The following CEMIP2 variants were observed in gnomAD, a reference collection of about 807,000 sequenced individuals.
The protein encoded by CEMIP2 is cell migration inducing hyaluronidase 2.
CEMIP2 carries 79 observed loss-of-function variants against 146.9 expected under a neutral mutation model. The observed-to-expected ratio is 0.54, with a 90% confidence interval of 0.45 to 0.65. The LOEUF is 0.65. Among genes scored for constraint, CEMIP2 ranks in the 30% least tolerant of loss-of-function variants. The probability of loss-of-function intolerance (pLI) is 0.00; values close to 1 mark genes in which losing one functional copy is unlikely to be tolerated. For missense variants in CEMIP2, 1,596 were observed against 1,696.2 expected (o/e 0.94, Z 1.04); for synonymous variants, 601 against 606.3 (o/e 0.99, Z 0.13).
At chr9:71,718,141 ATAAGTT>A (rs1823124195) in intron 12 of CEMIP2, 62 bp from the exon 13 acceptor site, 1 of 1,461,292 alleles carries the variant, frequency 6.8e-7, no homozygotes, top group Non-Finnish European at 9.1e-7. Context: ...TTAGCTAGTT[ATAAGTT>A]TAAGTGTCAA....
intron 19 of CEMIP2, chr9:71,699,277 T>C (rs1243628311): frequency 4.0e-6 from 1 of 250,972 alleles, no homozygotes; most frequent in Non-Finnish European, 8.5e-6. Context: ...AAAGTCCAGG[T>C]AGTTGTTTAA....
intron 12 of CEMIP2, among the ~76,000 whole-genome samples, chr9:71,721,375 T>A (rs1823226823): frequency 1.3e-5 from 2 of 152,204 alleles, no homozygotes. Context: ...TTCACTTCAT[T>A]TGTTGATCAG....
chr9:71,750,294 T>C lies in CEMIP2; in HGVS notation c.80A>G (p.Tyr27Cys). Reference protein sequence around the residue: ...QNGNSRHPSGYVPGKVVPLRP... With the variant: ...QNGNSRHPSGCVPGKVVPLRP... Reference sequence around the variant, plus strand: ...CAATGGGACAACCTTCCCTGGAACATAGCCAGATGGGTGACGACTATTTCC... The same window carrying C: ...CAATGGGACAACCTTCCCTGGAACACAGCCAGATGGGTGACGACTATTTCC... Residue 27 changes from tyrosine to cysteine, a missense_variant, in exon 2 of 24, where the codon TAT (tyrosine) becomes TGT (cysteine). Transcript: ENST00000377044. 6.2e-7 allele frequency: 1 copy of C among 1,613,808 alleles called. No homozygotes were observed. Among genetic ancestry groups the C allele is most frequent in the Non-Finnish European group, 8.5e-7 (1 of 1,179,988 alleles).
intron 1 of CEMIP2, among the ~76,000 whole-genome samples, chr9:71,762,459 T>C (rs1234453738): frequency 1.6e-5 from 2 of 121,364 alleles, no homozygotes; most frequent in Non-Finnish European, 3.2e-5. Context: ...GCCACTGCAC[T>C]CCAGCCTGGG....
At chr9:71,746,080 G>C in intron 3 of CEMIP2, 121 bp downstream of exon 3, 1 of 1,096,948 alleles carries the variant, frequency 9.1e-7, no homozygotes, top group Non-Finnish European at 1.3e-6. Flanking sequence ...TCCATGGTTA[G>C]AGTGACACCA....
intron 22 of CEMIP2, 188 bp from the exon 23 acceptor site, chr9:71,686,034 A>T: frequency 1.7e-6 from 1 of 579,024 alleles, no homozygotes; most frequent in Non-Finnish European, 3.1e-6. Context: ...TGGGCTTCAC[A>T]CGTTGCTCTT....
At chr9:71,759,835 G>GT (rs71353518) in intron 1 of CEMIP2, among the ~76,000 whole-genome samples, 1 of 149,850 alleles carries the variant, frequency 6.7e-6, no homozygotes, top group Non-Finnish European at 1.5e-5. Context: ...AGGTGGGGGG[G>GT]GGATGGCAGG....
chr9:71,767,291 C>T (rs1427047338), intron 1 of CEMIP2, among the ~76,000 whole-genome samples: 1 of 152,142 alleles, frequency 6.6e-6, no homozygotes, highest in East Asian at 1.9e-4. Context: ...ACCCTTTCCC[C>T]TCTCTCTAAA....
upstream of CEMIP2, chr9:71,768,905 C>T (rs17553607): frequency 7.1e-5 from 1 of 14,126 alleles, no homozygotes; most frequent in Non-Finnish European, 2.5e-4. Context: ...ATTGGGCGGG[C>T]GGGCGGGCGG....
rs12345725 is a variant in CEMIP2 at position 71,712,275 on chromosome 9, G to T, written c.2592-15C>A. 4,265 of 1,612,858 alleles carry T rather than the reference G, an allele frequency of 2.6e-3. 71 individuals are homozygous for T. The African/African-American group carries it at 0.041, about 15-fold the overall frequency. On this transcript the variant is annotated splice_polypyrimidine_tract_variant and intron_variant, in intron 15 of 23. Transcript: ENST00000377044. ...TTGGGAACGTCCTGTGGAAATACAA[G>T]ATTTTGTTTAATGCATATGGGCTGT...
chr9:71,735,686 G>A (rs1823741823), intron 5 of CEMIP2, among the ~76,000 whole-genome samples: 1 of 152,164 alleles, frequency 6.6e-6, no homozygotes, highest in African/African-American at 2.4e-5. Context: ...GGGCAGCTGA[G>A]GTGGGAGGAC....
intron 17 of CEMIP2, 100 bp from the exon 18 acceptor site, chr9:71,704,903 G>A: frequency 1.8e-6 from 2 of 1,124,738 alleles, no homozygotes; most frequent in Non-Finnish European, 2.6e-6. Flanking sequence ...TTTGAAAAGG[G>A]AGATTCTGTG....
intron 10 of CEMIP2, among the ~76,000 whole-genome samples, chr9:71,728,229 C>CTATA (rs1416528754): frequency 4.1e-4 from 7 of 17,158 alleles, no homozygotes; most frequent in African/African-American, 8.4e-4. Flanking sequence ...CTCTCTCTCT[C>CTATA]TCTATATATA....
chr9:71,752,466 A>AGGG (rs1824282036), intron 1 of CEMIP2, among the ~76,000 whole-genome samples: 3 of 88,596 alleles, frequency 3.4e-5, no homozygotes, highest in African/African-American at 4.4e-5. Context: ...AAGAGGAAGG[A>AGGG]AGGAAGGAAG....
intron 18 of CEMIP2, among the ~76,000 whole-genome samples, chr9:71,702,261 G>GAA (rs67059194): frequency 0.33 from 34,426 of 105,150 alleles, 4,733 homozygotes; most frequent in Non-Finnish European, 0.36. Flanking sequence ...TTGTCTCAAG[G>GAA]AAAAAAAAAA....
At chr9:71,703,588 T>G (rs1465009090) in intron 18 of CEMIP2, among the ~76,000 whole-genome samples, 1 of 152,216 alleles carries the variant, frequency 6.6e-6, no homozygotes, top group African/African-American at 2.4e-5. Flanking sequence ...CATTTCAATT[T>G]TTCAGGTACA....
At chr9:71,730,462 GTAAA>G (rs1056194254) in intron 8 of CEMIP2, among the ~76,000 whole-genome samples, 1 of 151,678 alleles carries the variant, frequency 6.6e-6, no homozygotes, top group African/African-American at 2.4e-5. Flanking sequence ...AAAATAAGTT[GTAAA>G]TAAATAAATA....
chr9:71,738,322 G>A (rs1027196525), intron 5 of CEMIP2, among the ~76,000 whole-genome samples: 17 of 152,158 alleles, frequency 1.1e-4, no homozygotes, highest in Admixed American at 3.3e-4. Flanking sequence ...AGACCAGCCT[G>A]ACCAACATGG....
intron 6 of CEMIP2, among the ~76,000 whole-genome samples, chr9:71,734,208 G>GGTTTTTT (rs374206725): frequency 0.051 from 7,224 of 142,642 alleles, 252 homozygotes; most frequent in Non-Finnish European, 0.078. Flanking sequence ...ATGAGTTTTT[G>GGTTTTTT]TTTTTGTTTT....
Sources: allele counts gnomAD v4.1 joint callset (sites outside exome capture counted in the v4.1 genomes callset), GRCh38; gene constraint gnomAD v4.1.1; transcripts MANE v1.5; gene names NCBI Gene and HGNC (gene_info 2026-07-23, HGNC 2026-07-21).